Variants in NOL10 observed in about 807,000 individuals in gnomAD.
NOL10 encodes the protein H_NH0074G24.1.
In NOL10, 58 loss-of-function variants were observed where a neutral mutation model predicts 103.5. That is an observed-to-expected ratio of 0.56 (90% CI 0.45 to 0.70). The LOEUF is 0.70. Among genes scored for constraint, NOL10 ranks in the 30% least tolerant of loss-of-function variants. The pLI, the probability that NOL10 is intolerant of heterozygous loss-of-function variation, is 0.00. For synonymous variants in NOL10, 287 were observed against 282.5 expected (o/e 1.02, Z -0.16); for missense variants, 763 against 807.3 (o/e 0.95, Z 0.67).
intron 17 of NOL10, among the ~76,000 whole-genome samples, chr2:10,598,249 C>T (rs750558338): frequency 2.6e-5 from 4 of 152,186 alleles, no homozygotes; most frequent in African/African-American, 7.2e-5. Flanking sequence ...CTGCATCAGG[C>T]GGTGTGATGC....
chr2:10,689,437 G>GA (rs1491511445), intron 1 of NOL10, among the ~76,000 whole-genome samples: 7 of 152,204 alleles, frequency 4.6e-5, no homozygotes, highest in African/African-American at 1.7e-4. Context: ...CCATATGGGG[G>GA]AGAGATGTGT....
At chr2:10,627,812 G>T (rs915892742) in intron 13 of NOL10, among the ~76,000 whole-genome samples, 2 of 151,846 alleles carry the variant, frequency 1.3e-5, no homozygotes, top group Admixed American at 6.6e-5. Context: ...AGGGTGACTG[G>T]TTGAATCGCA....
At chr2:10,649,380 G>A (rs997320082) in intron 12 of NOL10, among the ~76,000 whole-genome samples, 1 of 144,596 alleles carries the variant, frequency 6.9e-6, no homozygotes, top group Admixed American at 7.1e-5. Context: ...GAGAGCAGTG[G>A]CATGATCTCG....
intron 14 of NOL10, among the ~76,000 whole-genome samples, chr2:10,605,115 A>T (rs918507430): frequency 1.3e-5 from 2 of 152,236 alleles, no homozygotes; most frequent in Non-Finnish European, 2.9e-5. Flanking sequence ...AGGCTTAAAG[A>T]GGCGAAGTGA....
At chr2:10,609,174 C>CA (rs1676411790) in intron 13 of NOL10, among the ~76,000 whole-genome samples, 1 of 151,754 alleles carries the variant, frequency 6.6e-6, no homozygotes, top group Admixed American at 6.6e-5. Flanking sequence ...ACTTGCATGT[C>CA]CACACACACG....
At chr2:10,572,603 T>A (rs1040256721) in intron 20 of NOL10, among the ~76,000 whole-genome samples, 12 of 152,206 alleles carry the variant, frequency 7.9e-5, no homozygotes, top group Non-Finnish European at 1.8e-4. Context: ...GAGATCTTTG[T>A]TTACAAACTA....
At chr2:10,641,174 C>CA (rs35267200) in intron 13 of NOL10, among the ~76,000 whole-genome samples, 5,333 of 99,428 alleles carry the variant, frequency 0.054, 239 homozygotes, top group East Asian at 0.26. Context: ...TACAAAAATA[C>CA]AAAAAAAAAA....
At chr2:10,660,212 G>A (rs537887630) in intron 9 of NOL10, among the ~76,000 whole-genome samples, 11 of 152,274 alleles carry the variant, frequency 7.2e-5, no homozygotes, top group South Asian at 2.1e-4. Flanking sequence ...TGGGAACCTC[G>A]AAGCCTCATA....
At chr2:10,615,473 G>A (rs1302906277) in intron 13 of NOL10, among the ~76,000 whole-genome samples, 2 of 152,180 alleles carry the variant, frequency 1.3e-5, no homozygotes, top group East Asian at 3.8e-4. Context: ...GGCTAGCAGA[G>A]ACAGGACGCC....
intron 17 of NOL10, among the ~76,000 whole-genome samples, chr2:10,595,197 A>G (rs1675611176): frequency 6.6e-6 from 1 of 152,036 alleles, no homozygotes; most frequent in Admixed American, 6.6e-5. Flanking sequence ...CAAAATAATC[A>G]GCAAAAAAGG....
At chr2:10,606,289 G>T (rs1029824476) in intron 14 of NOL10, among the ~76,000 whole-genome samples, 17 of 151,808 alleles carry the variant, frequency 1.1e-4, no homozygotes, top group Non-Finnish European at 2.2e-4. Flanking sequence ...CAATCCATAG[G>T]GATGTGAAGA....
chr2:10,640,225 C>A (rs986754388), intron 13 of NOL10, among the ~76,000 whole-genome samples: 1 of 152,218 alleles, frequency 6.6e-6, no homozygotes, highest in Non-Finnish European at 1.5e-5. Flanking sequence ...TCCTGCCAAA[C>A]GTCAACTTGG....
At chr2:10,588,982 C>CA (rs1227412119) in intron 19 of NOL10, 61 bp downstream of exon 19, 1 of 1,589,094 alleles carries the variant, frequency 6.3e-7, no homozygotes, top group Non-Finnish European at 8.5e-7. Context: ...GGCAATGTGC[C>CA]AGAGAGGAAA....
chr2:10,637,181 A>G lies in NOL10; in HGVS notation c.1026+7139T>C, dbSNP rs139461629. Among the ~76,000 whole-genome samples the G allele has an allele frequency of 3.9e-4, 39 of 99,858 alleles. No individual in the cohort carries two copies. The East Asian group carries it at 0.01, about 26-fold the overall frequency. 65.5% of individuals were successfully genotyped at this position (99,858 alleles called of 152,430 possible). A position where few individuals can be genotyped will look rare whatever the true frequency, so the allele number is the denominator to read the frequency against. ...TCTAATCTGGGCCACGGAGCAAGAC[A>G]CTGTCTCAAAAAAAAAAAAAAAAAA... On this transcript the variant is annotated intron_variant, in intron 13 of 20. Transcript: ENST00000381685.
intron 13 of NOL10, among the ~76,000 whole-genome samples, chr2:10,612,826 A>G (rs1011057146): frequency 4.6e-5 from 7 of 152,152 alleles, no homozygotes; most frequent in African/African-American, 1.7e-4. Context: ...TGGGCAATGT[A>G]GTGAGGCCTT....
Position 10,657,066 on chromosome 2 carries a change from C to T in NOL10, c.906+676G>A, listed in dbSNP as rs1679883620. On this transcript the variant is annotated intron_variant, in intron 11 of 20. Transcript: ENST00000381685. ...AGGTGAGGTGGCTCACGCCTGTAAT[C>T]CCAGCACTTCAGGAGGTCGAGGCAG... is the stretch of plus-strand genomic sequence containing the variant. 3.9e-5 allele frequency among the ~76,000 whole-genome samples: 6 copies of T among 152,230 alleles called. No individual in the cohort carries two copies. The South Asian group carries it at 1.2e-3, about 32-fold the overall frequency.
At chr2:10,574,073 T>C (rs980240414) in intron 20 of NOL10, among the ~76,000 whole-genome samples, 1 of 152,258 alleles carries the variant, frequency 6.6e-6, no homozygotes, top group East Asian at 1.9e-4. Flanking sequence ...TTTGAAGCAC[T>C]TGCCGCAGTT....
intron 1 of NOL10, among the ~76,000 whole-genome samples, chr2:10,689,394 GCA>G (rs1682452461): frequency 6.6e-6 from 1 of 152,128 alleles, no homozygotes; most frequent in Non-Finnish European, 1.5e-5. Context: ...CTAAGACCTG[GCA>G]AATGATAGGG....
chr2:10,585,179 T>C (rs1338511536), intron 19 of NOL10, among the ~76,000 whole-genome samples: 3 of 152,200 alleles, frequency 2.0e-5, no homozygotes, highest in Non-Finnish European at 4.4e-5. Context: ...TAAGTACTTA[T>C]TCAAGAGCCA....
Sources: gnomAD v4.1 joint callset for allele counts (sites outside exome capture counted in the v4.1 genomes callset) on GRCh38, gnomAD v4.1.1 for gene constraint, MANE v1.5 for transcripts, NCBI Gene and HGNC (gene_info 2026-07-23, HGNC 2026-07-21) for gene names.